Variants in XRN1 observed in about 807,000 individuals in gnomAD.
XRN1 encodes strand-exchange protein 1 homolog.
XRN1 carries 67 observed loss-of-function variants against 222.3 expected under a neutral mutation model. The ratio of observed to expected loss-of-function variants is 0.30; its 90% confidence interval spans 0.25 to 0.37. The LOEUF (loss-of-function observed/expected upper bound fraction) is 0.37. Among genes scored for constraint, XRN1 ranks in the 10% least tolerant of loss-of-function variants. The probability of loss-of-function intolerance (pLI) is 1.00; values close to 1 mark genes in which losing one functional copy is unlikely to be tolerated. For missense variants in XRN1, 1,707 were observed against 2,000.2 expected, an observed-to-expected ratio of 0.85 and a Z score of 2.80; for synonymous variants, 643 against 652.4, an observed-to-expected ratio of 0.99 and a Z score of 0.22.
chr3:142,394,790 A>G (rs2067868286), intron 20 of XRN1, among the ~76,000 whole-genome samples: 1 of 152,178 alleles, frequency 6.6e-6, no homozygotes, highest in Non-Finnish European at 1.5e-5. Flanking sequence ...ACTCAATCCT[A>G]TATCCTTCTT....
At chr3:142,328,726 T>TGTTTCAG in intron 37 of XRN1, among the ~76,000 whole-genome samples, 1 of 16,532 alleles carries the variant, frequency 6.0e-5, no homozygotes, top group Non-Finnish European at 9.4e-5. Context: ...TATATATATA[T>TGTTTCAG]ATATATATAT....
In XRN1 at chr3:142,447,591, C is replaced by T. The variant is rs1229024828; in HGVS notation, c.75+279G>A. 2.0e-5 allele frequency among the ~76,000 whole-genome samples: 3 copies of T among 152,206 alleles called. No homozygotes were observed. Among genetic ancestry groups the T allele is most frequent in the African/African-American group, 7.2e-5 (3 of 41,460 alleles). Reference sequence around the variant, plus strand: ...CCGGAGAACAGTAAAAGCGTTCTTTCCCAGGACTTCATTTCGGAGTCGCGG... The same window carrying T: ...CCGGAGAACAGTAAAAGCGTTCTTTTCCAGGACTTCATTTCGGAGTCGCGG... On this transcript the variant is annotated intron_variant, in intron 1 of 40. Coordinates refer to ENST00000392981, the MANE Select transcript of XRN1 (RefSeq NM_001282857.2). This position sits in a 1 kb window ranked among gnomAD's most constrained non-coding sequence, Gnocchi z 4.2.
At chr3:142,400,300 G>C in intron 19 of XRN1, 144 bp downstream of exon 19, 2 of 564,616 alleles carry the variant, frequency 3.5e-6, no homozygotes, top group Non-Finnish European at 6.1e-6. Flanking sequence ...ACTTCAAGTG[G>C]TGTCATTAGA....
At chr3:142,318,411 C>G (rs982230921) in intron 39 of XRN1, among the ~76,000 whole-genome samples, 181 bp downstream of exon 39, 1 of 152,146 alleles carries the variant, frequency 6.6e-6, no homozygotes, top group African/African-American at 2.4e-5. Flanking sequence ...ACTACTCTAG[C>G]CATACTAGAG....
chr3:142,384,531 T>C lies in XRN1; in HGVS notation c.2494A>G (p.Ile832Val). 1.2e-6 allele frequency: 2 copies of C among 1,610,834 alleles called. No individual in the cohort carries two copies. The highest frequency in any genetic ancestry group is 1.7e-6 in the Non-Finnish European group (2 of 1,178,944). The change falls in exon 21 of 41, where the codon ATT becomes GTT. Residue 832 changes from isoleucine to valine, a missense_variant. Ile to Val is a conservative substitution (Grantham distance 29). Transcript: ENST00000392981. The stretch of plus-strand genomic sequence containing the variant: ...ACTTGATATAGACTTACCTTGACAA[T>C]AGTTTGATAAACAAAAGGAACAACT... The part of the protein sequence containing the change: ...KQVVPFVYQT[I>V]VKDIRAFDSR...
chr3:142,405,338 A>C (rs1253461721), intron 15 of XRN1, among the ~76,000 whole-genome samples: 1 of 152,228 alleles, frequency 6.6e-6, no homozygotes, highest in Admixed American at 6.5e-5. Flanking sequence ...AAGTGCAAAT[A>C]AGCAAGGCAG....
chr3:142,415,059 A>G (rs532470916), intron 13 of XRN1, among the ~76,000 whole-genome samples: 2 of 152,286 alleles, frequency 1.3e-5, no homozygotes, highest in East Asian at 3.9e-4. Flanking sequence ...AGTGAGTCTG[A>G]GGTTATCTGG....
At chr3:142,379,463 A>G (rs1168108776) in intron 23 of XRN1, among the ~76,000 whole-genome samples, 1 of 152,206 alleles carries the variant, frequency 6.6e-6, no homozygotes, top group Admixed American at 6.5e-5. Flanking sequence ...ATCAGAAAGA[A>G]CGAGGCATGA....
chr3:142,327,785 C>T (rs1209014460), intron 37 of XRN1, among the ~76,000 whole-genome samples: 1 of 152,086 alleles, frequency 6.6e-6, no homozygotes, highest in Non-Finnish European at 1.5e-5. Context: ...GAATTATGTA[C>T]ACTGCATACA....
Position 142,375,964 on chromosome 3 carries a change from G to A in XRN1, c.2832-20C>T. 6.3e-7 allele frequency: 1 copy of A among 1,579,754 alleles called. No homozygotes were observed. The highest frequency in any genetic ancestry group is 8.6e-7 in the Non-Finnish European group (1 of 1,166,152). On this transcript the variant is annotated intron_variant, in intron 24 of 40. Transcript: ENST00000392981. The stretch of plus-strand genomic sequence containing the variant: ...TGAGGGCTGAATTTAAACCACACAT[G>A]CGCACACGTGCACACACACACACAC...
intron 29 of XRN1, among the ~76,000 whole-genome samples, chr3:142,360,848 T>C (rs1245524064): frequency 4.1e-5 from 5 of 122,794 alleles, no homozygotes; most frequent in Non-Finnish European, 7.9e-5. Context: ...CACTCCAGCC[T>C]GGGCGACAGA....
chr3:142,443,068 T>G (rs1197162363), intron 1 of XRN1, among the ~76,000 whole-genome samples: 1 of 152,166 alleles, frequency 6.6e-6, no homozygotes, highest in Non-Finnish European at 1.5e-5. Flanking sequence ...GTTAAGTTTG[T>G]CTCTTCCAGA....
chr3:142,423,642 T>A lies in XRN1; in HGVS notation c.628A>T (p.Ile210Phe). 1 of 1,572,350 alleles carries A rather than the reference T, an allele frequency of 6.4e-7. No individual in the cohort carries two copies. Among genetic ancestry groups the A allele is most frequent in the Non-Finnish European group, 8.6e-7 (1 of 1,163,988 alleles). ...HCLYGLDADL[I>F]MLGLTSHEAH... ...TCATGACTTGTTAATCCAAGCATAA[T>A]CTGTTGAAAAATGATTAAGAAATGT... The change falls in exon 6 of 41, where the codon ATT becomes TTT. Residue 210 changes from isoleucine (I) to phenylalanine (F), a missense_variant and splice_region_variant. Ile to Phe is a conservative substitution (Grantham distance 21, BLOSUM62 0). Transcript: ENST00000392981.
At chr3:142,311,922 T>G in intron 40 of XRN1, 109 bp from the exon 41 acceptor site, 1 of 1,082,816 alleles carries the variant, frequency 9.2e-7, no homozygotes, top group Non-Finnish European at 1.3e-6. Context: ...TCACAGCTGA[T>G]CTGTGACTTC....
At position 142,312,549 on chromosome 3, in the gene XRN1, T is replaced by C. The variant is rs374173326; in HGVS notation, c.4782+49A>G. 558 of 1,440,224 alleles carry C rather than the reference T, an allele frequency of 3.9e-4. No homozygotes were observed. The South Asian group carries it at 7.7e-3, about 20-fold the overall frequency. 89.2% of individuals were successfully genotyped at this position (1,440,224 alleles called of 1,614,324 possible). A position where few individuals can be genotyped will look rare whatever the true frequency, so the allele number is the denominator to read the frequency against. On this transcript the variant is annotated intron_variant, in intron 40 of 40. Coordinates refer to ENST00000392981, the MANE Select transcript of XRN1 (RefSeq NM_001282857.2). The stretch of plus-strand genomic sequence containing the variant: ...TGAATAAAAAAATGTTTATCAATAG[T>C]CTTTCAGCATTAAACAAATAATTAT...
At chr3:142,365,398 T>A (rs201592627) in intron 27 of XRN1, 32 bp from the exon 28 acceptor site, 2 of 1,467,822 alleles carry the variant, frequency 1.4e-6, no homozygotes, top group Non-Finnish European at 1.8e-6. Context: ...TAAATATTTT[T>A]AAAATATAAA....
chr3:142,418,819 A>C lies in XRN1; in HGVS notation c.1236T>G (p.Ser412=). 1 of 1,613,920 alleles carries C rather than the reference A, an allele frequency of 6.2e-7. No individual in the cohort carries two copies. Among genetic ancestry groups the C allele is most frequent in the South Asian group, 1.1e-5 (1 of 91,072 alleles). Residue 412 remains serine, a synonymous_variant, in exon 11 of 41, where the codon TCT becomes TCG. Coordinates refer to ENST00000392981, the MANE Select transcript of XRN1 (RefSeq NM_001282857.2). ...LDKNEGEMIT[S]KDNLEDETED... ...AAACACATACTTCATACTTACCCTT[A>C]GAAGTTATCATTTCGCCTTCATTTT...
chr3:142,424,050 A>AG (rs1186028057), intron 5 of XRN1, among the ~76,000 whole-genome samples: 1 of 147,674 alleles, frequency 6.8e-6, no homozygotes, highest in Non-Finnish European at 1.5e-5. Context: ...ATGAAAACTC[A>AG]GGAAAAAAAA....
chr3:142,409,409 A>C (rs2068472905), intron 15 of XRN1, among the ~76,000 whole-genome samples: 1 of 152,240 alleles, frequency 6.6e-6, no homozygotes, highest in Non-Finnish European at 1.5e-5. Context: ...TTGTTCTAGC[A>C]CCAACTTTTG....
Sources: allele counts gnomAD v4.1 joint callset (sites outside exome capture counted in the v4.1 genomes callset), GRCh38; gene constraint gnomAD v4.1.1; non-coding constraint Gnocchi (gnomAD v3.1); transcripts MANE v1.5; gene names NCBI Gene and HGNC (gene_info 2026-07-23, HGNC 2026-07-21).